Variants in ASCC3 observed in about 807,000 individuals in gnomAD.
ASCC3 encodes activating signal cointegrator 1 complex subunit 3.
In ASCC3, 158 loss-of-function variants were observed where a neutral mutation model predicts 256.3. That is an observed-to-expected ratio of 0.62 (90% CI 0.54 to 0.70). The LOEUF is 0.70. Among genes scored for constraint, ASCC3 ranks in the 30% least tolerant of loss-of-function variants. The pLI is 0.00. For missense variants in ASCC3, 2,259 were observed against 2,626.0 expected, an observed-to-expected ratio of 0.86 and a Z score of 3.05; for synonymous variants, 948 against 883.4, an observed-to-expected ratio of 1.07 and a Z score of -1.30.
chr6:100,581,302 T>C (rs2114748057), intron 36 of ASCC3, among the ~76,000 whole-genome samples: 1 of 152,100 alleles, frequency 6.6e-6, no homozygotes, highest in Non-Finnish European at 1.5e-5. Context: ...TATCTCATTG[T>C]GGTTTTGATT....
intron 14 of ASCC3, among the ~76,000 whole-genome samples, chr6:100,677,162 T>C (rs1777066896): frequency 6.6e-6 from 1 of 152,134 alleles, no homozygotes; most frequent in African/African-American, 2.4e-5. Context: ...TATGAAGGAA[T>C]GTACTACTAG....
intron 36 of ASCC3, among the ~76,000 whole-genome samples, chr6:100,582,005 G>C (rs545510541): frequency 1.2e-4 from 18 of 152,290 alleles, no homozygotes; most frequent in Admixed American, 1.2e-3. Flanking sequence ...TATATAGTTT[G>C]AAGTCAGGTA....
chr6:100,644,590 T>TTC (rs1409746537), intron 22 of ASCC3, among the ~76,000 whole-genome samples: 2 of 152,140 alleles, frequency 1.3e-5, no homozygotes, highest in Non-Finnish European at 2.9e-5. Context: ...TTCAATGTCT[T>TTC]TCTCTCTCTC....
chr6:100,867,976 C>T lies in ASCC3; in HGVS notation c.22G>A (p.Gly8Arg), dbSNP rs1773558562. 6.2e-7 allele frequency: 1 copy of T among 1,613,544 alleles called. No homozygotes were observed. The highest frequency in any genetic ancestry group is 1.7e-5 in the Admixed American group (1 of 59,996). MALPRLT[G>R]ALRSFSNVTK... ...ACATTTGAAAAGGAACGCAAGGCTCCTGTGAGACGAGGTAAAGCCATCTAT... is the reference window on the plus strand; with the variant it reads ...ACATTTGAAAAGGAACGCAAGGCTCTTGTGAGACGAGGTAAAGCCATCTAT... Residue 8 changes from glycine (G) to arginine (R), a missense_variant, in exon 2 of 42, where the codon GGA becomes AGA. By Grantham distance (125) the Gly-to-Arg change is moderately radical. Coordinates refer to ENST00000369162, the MANE Select transcript of ASCC3 (RefSeq NM_006828.4).
intron 5 of ASCC3, among the ~76,000 whole-genome samples, chr6:100,801,421 A>G (rs1381169459): frequency 6.6e-6 from 1 of 151,924 alleles, no homozygotes; most frequent in Non-Finnish European, 1.5e-5. Flanking sequence ...TCAAATTCCA[A>G]TATCCAATGC....
At chr6:100,647,184 T>C (rs1371796309) in intron 21 of ASCC3, 42 bp downstream of exon 21, 8 of 1,513,866 alleles carry the variant, frequency 5.3e-6, no homozygotes, top group Non-Finnish European at 7.3e-6. Flanking sequence ...ATATTTTATT[T>C]GCACAAAACA....
At position 100,679,749 on chromosome 6, in the gene ASCC3, T is replaced by C. The variant is rs1777202310; in HGVS notation, c.2155A>G (p.Met719Val). 2.5e-6 allele frequency: 4 copies of C among 1,613,474 alleles called. No individual in the cohort carries two copies. Among genetic ancestry groups the C allele is most frequent in the African/African-American group, 1.3e-5 (1 of 75,000 alleles). ...LKQVKAGHQV[M>V]VFVHARNATV... ...GCATTTCGAGCATGTACAAACACCA[T>C]CACCTGAAAAAAAGGAAAGCAGTTT... The change falls in exon 14 of 42, where the codon ATG (methionine) becomes GTG (valine). Residue 719 changes from methionine (M) to valine (V), a missense_variant. Physicochemically the swap from Met to Val is conservative, Grantham distance 21. Coordinates refer to ENST00000369162, the MANE Select transcript of ASCC3 (RefSeq NM_006828.4).
chr6:100,868,511 C>A (rs373999814), intron 1 of ASCC3, among the ~76,000 whole-genome samples: 13 of 152,302 alleles, frequency 8.5e-5, no homozygotes, highest in East Asian at 3.9e-4. Context: ...CCTTTCCTGA[C>A]CACCCCATCT....
intron 4 of ASCC3, among the ~76,000 whole-genome samples, chr6:100,843,537 A>C (rs747036494): frequency 2.0e-5 from 3 of 152,188 alleles, no homozygotes; most frequent in Non-Finnish European, 4.4e-5. Flanking sequence ...ATAGCTTTGC[A>C]AATAGCATGT....
At position 100,589,788 on chromosome 6, in the gene ASCC3, AATGAAGAGTACG is replaced by A; in HGVS notation, c.5416-32_5416-21del. On this transcript the variant is annotated intron_variant, in intron 35 of 41. Transcript: ENST00000369162. ...ATTATCCTATTTCAAAAGAATAACAAATGAAGAGTACGATGAAAGTACATATCTTTATAAAAT... is the reference window on the plus strand; with the variant it reads ...ATTATCCTATTTCAAAAGAATAACAAATGAAAGTACATATCTTTATAAAAT... 1 of 1,613,392 alleles carries A rather than the reference AATGAAGAGTACG, an allele frequency of 6.2e-7. No homozygotes were observed. Among genetic ancestry groups the A allele is most frequent in the African/African-American group, 1.3e-5 (1 of 75,026 alleles).
chr6:100,771,661 C>T (rs1025703772), intron 8 of ASCC3, among the ~76,000 whole-genome samples: 2 of 151,886 alleles, frequency 1.3e-5, no homozygotes, highest in Non-Finnish European at 2.9e-5. Flanking sequence ...AATAAAAATG[C>T]TCAACATCAT....
At chr6:100,638,360 G>A (rs1267656598) in intron 25 of ASCC3, among the ~76,000 whole-genome samples, 1 of 152,088 alleles carries the variant, frequency 6.6e-6, no homozygotes, top group Non-Finnish European at 1.5e-5. Context: ...ATTTTTATAT[G>A]CACTAGGAAT....
intron 13 of ASCC3, among the ~76,000 whole-genome samples, chr6:100,699,585 G>C (rs567827177): frequency 2.0e-4 from 31 of 152,274 alleles, no homozygotes; most frequent in Admixed American, 1.6e-3. Flanking sequence ...AATGACTTTG[G>C]AACTGGGTAG....
chr6:100,551,354 G>A (rs987085050), intron 36 of ASCC3, among the ~76,000 whole-genome samples: 3 of 151,848 alleles, frequency 2.0e-5, no homozygotes, highest in African/African-American at 7.3e-5. Context: ...CAAATATAAT[G>A]AGGAAGAGGT....
chr6:100,800,587 C>A, intron 5 of ASCC3, 83 bp from the exon 6 acceptor site: 2 of 1,040,588 alleles, frequency 1.9e-6, no homozygotes, highest in African/African-American at 1.6e-5. Context: ...TTTCCTCCAC[C>A]CCACAACATA....
chr6:100,608,010 C>G, intron 30 of ASCC3, among the ~76,000 whole-genome samples: 1 of 125,446 alleles, frequency 8.0e-6, no homozygotes, highest in Non-Finnish European at 1.7e-5. Context: ...CCATCATATG[C>G]TAGAAATATG....
chr6:100,554,405 G>A (rs1171368864), intron 36 of ASCC3, among the ~76,000 whole-genome samples: 1 of 152,118 alleles, frequency 6.6e-6, no homozygotes, highest in African/African-American at 2.4e-5. Flanking sequence ...GTACTTTTAT[G>A]TCACTGCACA....
rs1366818339 is a variant in ASCC3 at position 100,608,162 on chromosome 6, A to ATG, written c.4786-1075_4786-1074insCA. Among the ~76,000 whole-genome samples the ATG allele has an allele frequency of 5.6e-3, 593 of 106,134 alleles. 3 individuals are homozygous for ATG. Among genetic ancestry groups the ATG allele is most frequent in the South Asian group, 0.012 (42 of 3,444 alleles). The allele number at this position is 106,134 out of a possible 152,430, so 69.6% of individuals were successfully genotyped here. A position where few individuals can be genotyped will look rare whatever the true frequency, so the allele number is the denominator to read the frequency against. The stretch of plus-strand genomic sequence containing the variant: ...TATATATATCTATATATACATATTT[A>ATG]TATACATATTTATATATGTGTGTGT... On this transcript the variant is annotated intron_variant, in intron 30 of 41. Coordinates refer to ENST00000369162, the MANE Select transcript of ASCC3 (RefSeq NM_006828.4).
intron 4 of ASCC3, among the ~76,000 whole-genome samples, chr6:100,808,041 T>C (rs1344640108): frequency 6.6e-6 from 1 of 151,960 alleles, no homozygotes; most frequent in African/African-American, 2.4e-5. Flanking sequence ...AATGTATTTG[T>C]TGCCAATGCT....
Sources: allele counts gnomAD v4.1 joint callset (sites outside exome capture counted in the v4.1 genomes callset), GRCh38; gene constraint gnomAD v4.1.1; transcripts MANE v1.5; gene names NCBI Gene and HGNC (gene_info 2026-07-23, HGNC 2026-07-21).